Variants in ZNF677 observed in about 807,000 individuals in gnomAD.
The protein encoded by ZNF677 is zinc finger protein 677, also known as hypothetical protein MGC48625.
Under a neutral mutation model 8.1 loss-of-function variants are expected in ZNF677, and 5 were observed. That is an observed-to-expected ratio of 0.62 (90% confidence interval 0.32 to 1.29). ZNF677 has a LOEUF of 1.29. Ranked by LOEUF, ZNF677 falls within the 50% of genes most tolerant of loss-of-function variation. The pLI is 0.05. For synonymous variants in ZNF677, 221 were observed against 225.6 expected (o/e 0.98, Z 0.18); for missense variants, 685 against 685.9 (o/e 1.00, Z 0.01).
rs535094221 is a variant in ZNF677 at position 53,247,309 on chromosome 19, C to T, written c.16-3412G>A. ...CAGCAGTGTCCAACCTTTTGGCTTC[C>T]CTGGGCCACACTGGAAGAGGAAGAA... On this transcript the variant is annotated intron_variant, in intron 3 of 4. Coordinates refer to ENST00000598513, the MANE Select transcript of ZNF677 (RefSeq NM_182609.4). Among the ~76,000 whole-genome samples the T allele has an allele frequency of 4.1e-3, 621 of 151,954 alleles. 7 individuals are homozygous for T. Among genetic ancestry groups the T allele is most frequent in the African/African-American group, 0.014 (590 of 41,402 alleles).
chr19:53,249,626 T>C (rs1675234282), intron 3 of ZNF677, among the ~76,000 whole-genome samples: 1 of 152,240 alleles, frequency 6.6e-6, no homozygotes, highest in African/African-American at 2.4e-5. Context: ...TGATCAGTAG[T>C]TCCTGATGGA....
chr19:53,241,894 G>C, intron 4 of ZNF677: 3 of 398,394 alleles, frequency 7.5e-6, no homozygotes, highest in Non-Finnish European at 1.3e-5. Flanking sequence ...AGCAGAAAGA[G>C]AGGAAATTTC....
chr19:53,237,281 A>G lies in ZNF677; in HGVS notation c.1446T>C (p.Thr482=), dbSNP rs749443475. The G allele has an allele frequency of 3.0e-5, 49 of 1,613,688 alleles. No individual in the cohort carries two copies. Among genetic ancestry groups the G allele is most frequent in the Non-Finnish European group, 4.0e-5 (47 of 1,179,890 alleles). ...SHLWGHQRTH[T]GEKPYKCTEC... The stretch of plus-strand genomic sequence containing the variant: ...CAGTACATTTGTAAGGTTTCTCTCC[A>G]GTATGAGTTCTCTGATGACCCCAAA... The change falls in exon 5 of 5, where the codon ACT becomes ACC. Residue 482 remains threonine (T), a synonymous_variant. Coordinates refer to ENST00000598513, the MANE Select transcript of ZNF677 (RefSeq NM_182609.4).
intron 3 of ZNF677, among the ~76,000 whole-genome samples, chr19:53,247,433 A>C (rs1250891592): frequency 1.3e-5 from 2 of 152,094 alleles, no homozygotes; most frequent in Non-Finnish European, 2.9e-5. Flanking sequence ...AAGAAAGTTT[A>C]AAAATTTGTG....
rs1193127758 is a variant in ZNF677 at position 53,237,076 on chromosome 19, C to A, written c.1651G>T (p.Ala551Ser). 6.2e-7 allele frequency: 1 copy of A among 1,613,346 alleles called. No homozygotes were observed. The highest frequency in any genetic ancestry group is 8.5e-7 in the Non-Finnish European group (1 of 1,179,786). ...KHCKHNIHGN[A>S]LFQSSNLGDH... ...CCAAGGTTTGAACTTTGGAATAAAG[C>A]ATTACCATGTATATTATGTTTACAA... Residue 551 changes from alanine (A) to serine (S), a missense_variant, in exon 5 of 5, where the codon GCT becomes TCT. Physicochemically the swap from Ala to Ser is moderately conservative, Grantham distance 99. Transcript: ENST00000598513.
At position 53,236,040 on chromosome 19, in the gene ZNF677, C is replaced by CA. The variant is rs538758053; in HGVS notation, c.*931dup. On this transcript the variant is annotated 3_prime_UTR_variant, in exon 5 of 5. Transcript: ENST00000598513. ...TCTGTCTCTACTAAAAATACAAAAA[C>CA]AAAAAAACAAAAAACTAGCCAGGCA... 6.6e-6 allele frequency: 1 copy of CA among 151,910 alleles called. No individual in the cohort carries two copies. The highest frequency in any genetic ancestry group is 2.4e-5 in the African/African-American group (1 of 41,450). The allele number at this position is 151,910 out of a possible 1,614,324, so 9.4% of individuals were successfully genotyped here. A position where few individuals can be genotyped will look rare whatever the true frequency, so the allele number is the denominator to read the frequency against.
chr19:53,238,907 T>C (rs560581879), intron 4 of ZNF677: 5 of 162,398 alleles, frequency 3.1e-5, no homozygotes, highest in Non-Finnish European at 6.7e-5. Context: ...TATTTGAAGA[T>C]AAACAAATAG....
rs543703654 is a variant in ZNF677 at position 53,251,444 on chromosome 19, G to C, written c.15+92C>G. 3.9e-6 allele frequency: 4 copies of C among 1,025,382 alleles called. No individual in the cohort carries two copies. The Admixed American group carries it at 5.2e-5, about 13-fold the overall frequency. 63.5% of individuals were successfully genotyped at this position (1,025,382 alleles called of 1,614,324 possible). ...GGGTGTGAATATACATATTAGTCAG[G>C]ACACTTCAGAGTCAGATAAAATTAG... On this transcript the variant is annotated intron_variant, in intron 3 of 4. Transcript: ENST00000598513.
In ZNF677 at chr19:53,237,636, C is replaced by T; in HGVS notation, c.1091G>A (p.Gly364Asp). ...CTCTCCAGTATGAATTCTTTCATGA[C>T]CCCAAAGGTGTGAACGCTGGATAAA... ...KAFIQRSHLW[G>D]HERIHTGEKP... is the part of the protein sequence containing the mutation. The change falls in exon 5 of 5, where the codon GGT (glycine) becomes GAT (aspartate). Residue 364 changes from glycine to aspartate, a missense_variant. Transcript: ENST00000598513. 2 of 1,613,402 alleles carry T rather than the reference C, an allele frequency of 1.2e-6. No homozygotes were observed. Among genetic ancestry groups the T allele is most frequent in the East Asian group, 2.2e-5 (1 of 44,876 alleles).
At chr19:53,252,886 A>T in intron 2 of ZNF677, among the ~76,000 whole-genome samples, 200 bp downstream of exon 2, 1 of 152,198 alleles carries the variant, frequency 6.6e-6, no homozygotes, top group African/African-American at 2.4e-5. Context: ...CCAGTCAAAA[A>T]TCCAGGTATA....
At chr19:53,243,919 C>A in intron 3 of ZNF677, 22 bp from the exon 4 acceptor site, 1 of 1,552,676 alleles carries the variant, frequency 6.4e-7, no homozygotes, top group South Asian at 1.2e-5. Flanking sequence ...ACACACTTCA[C>A]CAAGTGGACA....
chr19:53,251,699 G>A (rs533097978), intron 2 of ZNF677, 94 bp from the exon 3 acceptor site: 1 of 861,374 alleles, frequency 1.2e-6, no homozygotes, highest in East Asian at 2.8e-5. Context: ...ATAGAAAAAA[G>A]ATGGTCCTTA....
chr19:53,250,180 CTAT>C (rs2091211829), intron 3 of ZNF677, among the ~76,000 whole-genome samples: 1 of 151,988 alleles, frequency 6.6e-6, no homozygotes, highest in African/African-American at 2.4e-5. Context: ...CCCCTTTTAG[CTAT>C]TATTAAAAAG....
chr19:53,249,281 C>G (rs976003663), intron 3 of ZNF677: 1 of 152,214 alleles, frequency 6.6e-6, no homozygotes, highest in African/African-American at 2.4e-5. Flanking sequence ...TGAGCTTCCT[C>G]AGAAGCATCA....
At chr19:53,240,177 T>C (rs2091026937) in intron 4 of ZNF677, 2 of 152,216 alleles carry the variant, frequency 1.3e-5, no homozygotes, top group African/African-American at 2.4e-5. Context: ...GTGTGTGCAA[T>C]GAAGGGATGT....
chr19:53,237,769 G>C lies in ZNF677; in HGVS notation c.958C>G (p.Gln320Glu). The C allele has an allele frequency of 6.2e-7, 1 of 1,613,352 alleles. No homozygotes were observed. Among genetic ancestry groups the C allele is most frequent in the East Asian group, 2.2e-5 (1 of 44,842 alleles). The change falls in exon 5 of 5, where the codon CAA (glutamine) becomes GAA (glutamate). Residue 320 changes from glutamine (Q) to glutamate (E), a missense_variant. Gln to Glu is a conservative substitution (Grantham distance 29). Transcript: ENST00000598513. ...QRVHTGEKPY[Q>E]CNICGKVCSQ... ...CAGACCTTGCCACATATATTACATTGATATGGTTTCTCTCCTGTATGGACT... is the reference window on the plus strand; with the variant it reads ...CAGACCTTGCCACATATATTACATTCATATGGTTTCTCTCCTGTATGGACT...
Position 53,237,322 on chromosome 19 carries a change from T to G in ZNF677, c.1405A>C (p.Ile469Leu). The G allele has an allele frequency of 6.2e-7, 1 of 1,613,824 alleles. No homozygotes were observed. Among genetic ancestry groups the G allele is most frequent in the Non-Finnish European group, 8.5e-7 (1 of 1,179,902 alleles). ...YKCNKCDKAF[I>L]KRSHLWGHQR... ...TGACCCCAAAGGTGTGAACGTTTGA[T>G]AAAAGCTTTATCACATTTATTACAT... Residue 469 changes from isoleucine (I) to leucine (L), a missense_variant, in exon 5 of 5, where the codon ATC becomes CTC. Coordinates refer to ENST00000598513, the MANE Select transcript of ZNF677 (RefSeq NM_182609.4).
chr19:53,246,365 C>T (rs1042046940), intron 3 of ZNF677, among the ~76,000 whole-genome samples: 4 of 150,900 alleles, frequency 2.7e-5, no homozygotes, highest in Non-Finnish European at 5.9e-5. Context: ...GGGTATATAT[C>T]CAAAAGAATT....
At chr19:53,238,619 A>C in intron 4 of ZNF677, 62 bp from the exon 5 acceptor site, 1 of 1,383,838 alleles carries the variant, frequency 7.2e-7, no homozygotes, top group Non-Finnish European at 9.6e-7. Context: ...TAAATATTTT[A>C]TTAAAATACA....
Sources: allele counts gnomAD v4.1 joint callset (sites outside exome capture counted in the v4.1 genomes callset), GRCh38; gene constraint gnomAD v4.1.1; transcripts MANE v1.5; gene names NCBI Gene and HGNC (gene_info 2026-07-23, HGNC 2026-07-21).